The following TMEM74 variants were observed in gnomAD, a reference collection of about 807,000 sequenced individuals.
TMEM74 encodes transmembrane protein 74.
In TMEM74, 13 loss-of-function variants were observed where a neutral mutation model predicts 18.1. That is an observed-to-expected ratio of 0.72 (90% confidence interval 0.47 to 1.14). The LOEUF (loss-of-function observed/expected upper bound fraction) is 1.14. Among genes scored for constraint, TMEM74 ranks in the 50% most tolerant of loss-of-function variants. The pLI, the probability that TMEM74 is intolerant of heterozygous loss-of-function variation, is 0.00. For synonymous variants in TMEM74, 159 were observed against 146.6 expected, an observed-to-expected ratio of 1.08 and a Z score of -0.61; for missense variants, 372 against 375.9, an observed-to-expected ratio of 0.99 and a Z score of 0.09.
chr8:108,745,730 AAAG>A (rs977929770), intron 1 of TMEM74, among the ~76,000 whole-genome samples: 2 of 152,160 alleles, frequency 1.3e-5, no homozygotes, highest in South Asian at 4.1e-4. Flanking sequence ...GCCTCCAAAG[AAAG>A]AAGAAGTAAA....
chr8:108,670,643 C>T (rs1012009830), intron 1 of TMEM74, among the ~76,000 whole-genome samples: 9 of 152,124 alleles, frequency 5.9e-5, no homozygotes, highest in East Asian at 1.9e-4. Context: ...GATTAAGAAG[C>T]CTTGAAAATA....
At chr8:108,697,920 G>A (rs915842978) in intron 1 of TMEM74, among the ~76,000 whole-genome samples, 1 of 152,122 alleles carries the variant, frequency 6.6e-6, no homozygotes, top group Non-Finnish European at 1.5e-5. Context: ...TGCTTAAAGG[G>A]AAATTACTTT....
chr8:108,619,971 C>G (rs1812423184), intron 2 of TMEM74, among the ~76,000 whole-genome samples: 3 of 152,114 alleles, frequency 2.0e-5, no homozygotes, highest in Admixed American at 2.0e-4. Context: ...CTTTTTCTTC[C>G]TCTTTTCCAC....
intron 1 of TMEM74, among the ~76,000 whole-genome samples, chr8:108,680,656 T>C (rs963345574): frequency 1.3e-5 from 2 of 152,180 alleles, no homozygotes; most frequent in Non-Finnish European, 2.9e-5. Flanking sequence ...GTGTTGGAAG[T>C]TCTGGCCAGG....
In TMEM74 at chr8:108,780,297, T is replaced by C. The variant is rs183652169; in HGVS notation, c.*3884A>G. Among the ~76,000 whole-genome samples the C allele has an allele frequency of 4.6e-5, 7 of 152,272 alleles. No homozygotes were observed. The East Asian group carries it at 1.4e-3, about 29-fold the overall frequency. On this transcript the variant is annotated 3_prime_UTR_variant, in exon 2 of 2. Coordinates refer to ENST00000297459, the MANE Select transcript of TMEM74 (RefSeq NM_153015.3). Reference sequence around the variant, plus strand: ...TATACATATAGAACACTTTTTTAACTTGACAATTAATCCAAGTAAAATTTT... The same window carrying C: ...TATACATATAGAACACTTTTTTAACCTGACAATTAATCCAAGTAAAATTTT...
intron 1 of TMEM74, among the ~76,000 whole-genome samples, chr8:108,700,868 C>CT (rs1249224665): frequency 1.3e-5 from 2 of 152,070 alleles, no homozygotes; most frequent in African/African-American, 4.8e-5. Context: ...AGCTAATGGG[C>CT]TTTTATCATT....
At chr8:108,657,765 C>A (rs1349578726) in intron 1 of TMEM74, among the ~76,000 whole-genome samples, 1 of 144,794 alleles carries the variant, frequency 6.9e-6, no homozygotes, top group East Asian at 2.1e-4. Context: ...ATAGCTTGAA[C>A]CAGGGAGGTG....
intron 1 of TMEM74, among the ~76,000 whole-genome samples, chr8:108,718,964 G>T (rs551129942): frequency 0.034 from 2,817 of 83,972 alleles, 89 homozygotes; most frequent in African/African-American, 0.11. Flanking sequence ...ATAACATTTT[G>T]TGTGTGTATA....
intron 1 of TMEM74, among the ~76,000 whole-genome samples, chr8:108,771,538 A>G (rs1814171058): frequency 2.0e-5 from 3 of 152,208 alleles, no homozygotes; most frequent in Admixed American, 2.0e-4. Context: ...AATCACATAT[A>G]TAGCACATAA....
chr8:108,722,298 A>G (rs570931669), intron 1 of TMEM74, among the ~76,000 whole-genome samples: 56 of 152,300 alleles, frequency 3.7e-4, no homozygotes, highest in African/African-American at 1.2e-3. Flanking sequence ...GAGGAGCACT[A>G]TTTTATTATT....
chr8:108,728,893 C>T, intron 1 of TMEM74, among the ~76,000 whole-genome samples: 1 of 152,118 alleles, frequency 6.6e-6, no homozygotes. Flanking sequence ...ATATGGCAAT[C>T]CACTTATTTT....
intron 1 of TMEM74, among the ~76,000 whole-genome samples, chr8:108,714,216 A>G (rs1813500917): frequency 6.6e-6 from 1 of 152,228 alleles, no homozygotes; most frequent in Admixed American, 6.5e-5. Flanking sequence ...TAAAATTGAC[A>G]TAAGACTAAT....
chr8:108,697,064 C>A (rs769561651), intron 1 of TMEM74, among the ~76,000 whole-genome samples: 12 of 152,090 alleles, frequency 7.9e-5, no homozygotes, highest in African/African-American at 1.4e-4. Context: ...CATCTTTGAT[C>A]TTTAATGTGT....
At chr8:108,675,008 T>C (rs1586256299) in intron 1 of TMEM74, among the ~76,000 whole-genome samples, 1 of 152,202 alleles carries the variant, frequency 6.6e-6, no homozygotes, top group African/African-American at 2.4e-5. Flanking sequence ...TCAGAATTAC[T>C]GAGGAGTTAA....
At chr8:108,622,900 A>G (rs1812457337) in intron 2 of TMEM74, among the ~76,000 whole-genome samples, 1 of 152,092 alleles carries the variant, frequency 6.6e-6, no homozygotes, top group Non-Finnish European at 1.5e-5. Flanking sequence ...CTTACTGTAC[A>G]CCAGGCATAT....
At chr8:108,721,113 T>G (rs1310925078) in intron 1 of TMEM74, among the ~76,000 whole-genome samples, 1 of 152,184 alleles carries the variant, frequency 6.6e-6, no homozygotes, top group African/African-American at 2.4e-5. Context: ...ATTTTCAAAT[T>G]CACTAATTTA....
At chr8:108,684,857 A>G (rs1261202556) in intron 1 of TMEM74, among the ~76,000 whole-genome samples, 1 of 151,776 alleles carries the variant, frequency 6.6e-6, no homozygotes, top group African/African-American at 2.4e-5. Flanking sequence ...ATATTTTACG[A>G]TCTAGGTGTG....
chr8:108,685,777 A>G (rs2130602859), intron 1 of TMEM74, among the ~76,000 whole-genome samples: 1 of 152,284 alleles, frequency 6.6e-6, no homozygotes, highest in South Asian at 2.1e-4. Context: ...TTAGTAAAAC[A>G]GGTTGATACA....
intron 1 of TMEM74, among the ~76,000 whole-genome samples, chr8:108,756,684 GA>G (rs1259023132): frequency 8.3e-5 from 9 of 108,822 alleles, no homozygotes; most frequent in Middle Eastern, 4.7e-3. Context: ...AAGAAAGAAA[GA>G]AAGAAAGAAA....
Sources: allele counts gnomAD v4.1 joint callset (sites outside exome capture counted in the v4.1 genomes callset), GRCh38; gene constraint gnomAD v4.1.1; transcripts MANE v1.5; gene names NCBI Gene and HGNC (gene_info 2026-07-23, HGNC 2026-07-21).